The following GLYR1 variants were observed in gnomAD, a reference collection of about 807,000 sequenced individuals.
GLYR1 encodes the protein glyoxylate reductase 1 homolog, also known as cytokine-like nuclear factor N-PAC.
Under a neutral mutation model 72.7 loss-of-function variants are expected in GLYR1, and 21 were observed. The ratio of observed to expected loss-of-function variants is 0.29; its 90% CI spans 0.20 to 0.42. GLYR1 has a LOEUF of 0.42. Among genes scored for constraint, GLYR1 ranks in the 10% least tolerant of loss-of-function variants. The pLI is 1.00. For synonymous variants in GLYR1, 392 were observed against 270.2 expected (o/e 1.45, Z -4.42); for missense variants, 594 against 712.1 (o/e 0.83, Z 1.89).
chr16:4,824,455 G>A (rs2141994654), intron 5 of GLYR1, among the ~76,000 whole-genome samples: 1 of 140,642 alleles, frequency 7.1e-6, no homozygotes, highest in South Asian at 2.3e-4. Flanking sequence ...AGCCGAGATT[G>A]CACCACCGCA....
At chr16:4,827,604 C>CA (rs2084473199) in intron 5 of GLYR1, among the ~76,000 whole-genome samples, 1 of 149,476 alleles carries the variant, frequency 6.7e-6, no homozygotes, top group African/African-American at 2.5e-5. Context: ...AACAAACAAA[C>CA]AAACAAAAAA....
At chr16:4,805,403 A>ACTGCCTGCT in intron 15 of GLYR1, 93 bp from the exon 16 acceptor site, 1 of 1,078,556 alleles carries the variant, frequency 9.3e-7, no homozygotes, top group Non-Finnish European at 1.4e-6. Flanking sequence ...TGTGGCCAGC[A>ACTGCCTGCT]GGCAGTGCTG....
In GLYR1 at chr16:4,812,228, C is replaced by G. The variant is rs533332243; in HGVS notation, c.1140G>C (p.Gly380=). The change falls in exon 13 of 16, where the codon GGG becomes GGC. Residue 380 remains glycine (G), a synonymous_variant. Coordinates refer to ENST00000321919, the MANE Select transcript of GLYR1 (RefSeq NM_032569.4). The part of the protein sequence containing the change: ...ELAQVIVSRG[G]RFLEAPVSGN... ...CTGAGACGGGGGCTTCCAGAAAGCG[C>G]CCCCCCCTGGACACAATCACCTGGA... 1.6e-5 allele frequency: 26 copies of G among 1,606,564 alleles called. 2 individuals are homozygous for G. The South Asian group carries it at 2.9e-4, about 18-fold the overall frequency.
chr16:4,831,364 C>G (rs989050659), intron 5 of GLYR1, among the ~76,000 whole-genome samples: 1 of 152,208 alleles, frequency 6.6e-6, no homozygotes, highest in Non-Finnish European at 1.5e-5. Context: ...CGGGCCCCCA[C>G]TGACTCCAAG....
At chr16:4,818,031 C>G in intron 9 of GLYR1, 1 of 214,042 alleles carries the variant, frequency 4.7e-6, no homozygotes, top group Non-Finnish European at 9.3e-6. Context: ...CAGTCTTGCT[C>G]TGTTCCAGGC....
At chr16:4,837,196 G>T (rs893071212) in intron 3 of GLYR1, among the ~76,000 whole-genome samples, 1 of 152,184 alleles carries the variant, frequency 6.6e-6, no homozygotes, top group Non-Finnish European at 1.5e-5. Flanking sequence ...AGCACCTTGG[G>T]AGACCGAGGC....
intron 11 of GLYR1, 30 bp from the exon 12 acceptor site, chr16:4,813,868 C>T: frequency 1.3e-6 from 2 of 1,569,660 alleles, no homozygotes; most frequent in Non-Finnish European, 1.7e-6. Context: ...AAGCAATAGC[C>T]CAGGCTCCCG....
chr16:4,844,635 C>T (rs1442120419), intron 3 of GLYR1, among the ~76,000 whole-genome samples: 1 of 152,158 alleles, frequency 6.6e-6, no homozygotes, highest in Non-Finnish European at 1.5e-5. Context: ...GTGGTGCACA[C>T]CTGTGGTCCC....
chr16:4,832,026 G>A lies in GLYR1; in HGVS notation c.490C>T (p.Gln164Ter). Residue 164 changes from glutamine (Q) to a stop codon, truncating the protein, a stop_gained, in exon 5 of 16, where the codon CAA (glutamine) becomes TAA (stop). Transcript: ENST00000321919. LOFTEE classifies it high-confidence loss of function. ...RGSKSPLKRAQEQSPRKRGRP... is the reference protein window; with the variant it reads ...RGSKSPLKRA ...CCCCGCTTCCGGGGACTTTGCTCTTGGGCTCTTTTCAGAGGGGATTTGGAG... is the reference window on the plus strand; with the variant it reads ...CCCCGCTTCCGGGGACTTTGCTCTTAGGCTCTTTTCAGAGGGGATTTGGAG... 6.2e-7 allele frequency: 1 copy of A among 1,614,158 alleles called. No individual in the cohort carries two copies. The highest frequency in any genetic ancestry group is 8.5e-7 in the Non-Finnish European group (1 of 1,180,016).
At chr16:4,843,627 C>T (rs764098738) in intron 3 of GLYR1, 1 of 1,289,068 alleles carries the variant, frequency 7.8e-7, no homozygotes, top group Non-Finnish European at 1.0e-6. Flanking sequence ...CCAGGAAGAG[C>T]ATCTGACATA....
intron 9 of GLYR1, among the ~76,000 whole-genome samples, chr16:4,821,039 A>G (rs1275002227): frequency 1.3e-5 from 2 of 152,278 alleles, no homozygotes; most frequent in Non-Finnish European, 2.9e-5. Context: ...GGTTAAAAAT[A>G]CAAATTCTTG....
chr16:4,813,971 C>T, intron 11 of GLYR1, 133 bp from the exon 12 acceptor site: 1 of 618,294 alleles, frequency 1.6e-6, no homozygotes, highest in Non-Finnish European at 2.7e-6. Context: ...AAGGGAAGAA[C>T]AATGAAATAA....
chr16:4,808,872 G>C (rs1448585565), intron 15 of GLYR1, among the ~76,000 whole-genome samples: 1 of 152,020 alleles, frequency 6.6e-6, no homozygotes, highest in African/African-American at 2.4e-5. Flanking sequence ...AGGCTGAGGT[G>C]GGAGGATTGC....
chr16:4,840,680 C>A (rs1051415164), intron 3 of GLYR1, among the ~76,000 whole-genome samples: 2 of 152,162 alleles, frequency 1.3e-5, no homozygotes, highest in Non-Finnish European at 2.9e-5. Context: ...ACTTTTCCTT[C>A]CTAACTATGA....
At chr16:4,829,593 C>A (rs540024271) in intron 5 of GLYR1, among the ~76,000 whole-genome samples, 1 of 151,876 alleles carries the variant, frequency 6.6e-6, no homozygotes, top group East Asian at 1.9e-4. Flanking sequence ...TTCAAGTGAT[C>A]TTCTCATCTC....
chr16:4,835,152 C>A (rs1034080385), intron 3 of GLYR1, among the ~76,000 whole-genome samples: 1 of 152,144 alleles, frequency 6.6e-6, no homozygotes, highest in African/African-American at 2.4e-5. Flanking sequence ...GATGGGACAA[C>A]AGACTCCGAG....
intron 15 of GLYR1, among the ~76,000 whole-genome samples, chr16:4,810,828 G>C (rs2083286993): frequency 6.6e-6 from 1 of 151,622 alleles, no homozygotes; most frequent in African/African-American, 2.4e-5. Context: ...TGAATGGCTG[G>C]GCGTGGTAGC....
Position 4,831,989 on chromosome 16 carries a change from T to C in GLYR1, c.527A>G (p.Lys176Arg), listed in dbSNP as rs750787862. ...AGAGAGAAAACAAACCTTCTCATCC[T>C]TTGGGGGCCGACCCCGCTTCCGGGG... ...QSPRKRGRPP[K>R]DEKDLTIPES... is the part of the protein sequence containing the mutation. Residue 176 changes from lysine to arginine, a missense_variant, in exon 5 of 16, where the codon AAG becomes AGG. Transcript: ENST00000321919. The C allele has an allele frequency of 8.7e-6, 14 of 1,613,554 alleles. No individual in the cohort carries two copies. In the South Asian group the frequency reaches 1.5e-4, roughly 18 times the overall value.
At chr16:4,816,669 T>C (rs1367868522) in intron 10 of GLYR1, among the ~76,000 whole-genome samples, 1 of 152,104 alleles carries the variant, frequency 6.6e-6, no homozygotes. Context: ...TTAGTATTTA[T>C]TTTCTTCTGG....
Sources: allele counts gnomAD v4.1 joint callset (sites outside exome capture counted in the v4.1 genomes callset), GRCh38; gene constraint gnomAD v4.1.1; transcripts MANE v1.5; gene names NCBI Gene and HGNC (gene_info 2026-07-23, HGNC 2026-07-21).